Variants in PTPRN2 observed in about 807,000 individuals in gnomAD.
The protein encoded by PTPRN2 is receptor-type tyrosine-protein phosphatase N2.
In PTPRN2, 74 loss-of-function variants were observed where a neutral mutation model predicts 118.8. That is an observed-to-expected ratio of 0.62 (90% CI 0.52 to 0.76). The LOEUF is 0.76. Among genes scored for constraint, PTPRN2 ranks in the 30% least tolerant of loss-of-function variants. The pLI is 0.00. For synonymous variants in PTPRN2, 641 were observed against 608.0 expected (o/e 1.05, Z -0.80); for missense variants, 1,481 against 1,394.4 (o/e 1.06, Z -0.99).
rs1250383054 is a variant in PTPRN2, at chr7:157,596,513, C to A, written c.2419-1198G>T. Among the ~76,000 whole-genome samples, 1 of 152,186 alleles carries A rather than the reference C, an allele frequency of 6.6e-6. No homozygotes were observed. Among genetic ancestry groups the A allele is most frequent in the Non-Finnish European group, 1.5e-5 (1 of 68,032 alleles). ...CAGAAAAAAGAACTTGAGGACAAAG[C>A]CTTGAGAGGCAAGCGAGATTTGAGC... On this transcript the variant is annotated intron_variant, in intron 16 of 22. Transcript: ENST00000389418. The surrounding 1 kb of genome is among the most constrained non-coding windows in gnomAD (Gnocchi z 4.2).
chr7:157,756,617 A>G (rs916022749), intron 12 of PTPRN2, among the ~76,000 whole-genome samples: 4 of 152,178 alleles, frequency 2.6e-5, no homozygotes, highest in Admixed American at 2.6e-4. Context: ...GTGGAGTAGC[A>G]GTATCTGCGC....
At chr7:158,213,119 C>G (rs1256784354) in intron 3 of PTPRN2, among the ~76,000 whole-genome samples, 1 of 151,978 alleles carries the variant, frequency 6.6e-6, no homozygotes, top group African/African-American at 2.4e-5. Flanking sequence ...TATCTAATCA[C>G]TAAATATCAT....
At chr7:157,870,638 T>C (rs1810990767) in intron 12 of PTPRN2, among the ~76,000 whole-genome samples, 1 of 152,238 alleles carries the variant, frequency 6.6e-6, no homozygotes, top group South Asian at 2.1e-4. Context: ...ATTTTTGAAA[T>C]CCATGCATAG....
rs1304272518 is a variant in PTPRN2 at position 158,171,064 on chromosome 7, C to CAT, written c.550-3774_550-3773insAT. ...ACATACATATATATACACATATATA[C>CAT]ACATTATATACACATATATATACAC... On this transcript the variant is annotated intron_variant, in intron 5 of 22. Transcript: ENST00000389418. Among the ~76,000 whole-genome samples, 15 of 133,632 alleles carry CAT rather than the reference C, an allele frequency of 1.1e-4. 1 individual carries two copies. The highest frequency in any genetic ancestry group is 4.6e-4 in the African/African-American group (15 of 32,930). The allele number at this position is 133,632 out of a possible 152,430, so 87.7% of individuals were successfully genotyped here.
chr7:158,168,105 C>A (rs951642874), intron 5 of PTPRN2, among the ~76,000 whole-genome samples: 2 of 152,236 alleles, frequency 1.3e-5, no homozygotes, highest in African/African-American at 4.8e-5. Flanking sequence ...AACAATCTCA[C>A]CAGTAATGGA....
rs535002797 is a variant in PTPRN2, at chr7:157,599,013, C to CTTT, written c.2419-3701_2419-3699dup. 4.6e-3 allele frequency among the ~76,000 whole-genome samples: 663 copies of CTTT among 145,648 alleles called. 7 individuals are homozygous for CTTT. The highest frequency in any genetic ancestry group is 0.015 in the African/African-American group (611 of 39,688). ...AATTAACAGTATAATTCTGTTTTTA[C>CTTT]TTTTTTTTTTTTTTGAGATGGAGCC... is the stretch of plus-strand genomic sequence containing the variant. On this transcript the variant is annotated intron_variant, in intron 16 of 22. Coordinates refer to ENST00000389418, the MANE Select transcript of PTPRN2 (RefSeq NM_002847.5).
At chr7:158,370,973 T>C (rs1174620622) in intron 2 of PTPRN2, among the ~76,000 whole-genome samples, 1 of 152,022 alleles carries the variant, frequency 6.6e-6, no homozygotes, top group Non-Finnish European at 1.5e-5. Context: ...ACTATCACAA[T>C]GAAAGAGTTT....
intron 6 of PTPRN2, 126 bp from the exon 7 acceptor site, chr7:158,138,641 G>A (rs114663881): frequency 5.0e-5 from 38 of 754,896 alleles, no homozygotes; most frequent in Admixed American, 2.4e-4. Context: ...AGGGCCAGGC[G>A]CAGGCCAGTG....
chr7:157,792,725 A>G (rs1279173205), intron 12 of PTPRN2, among the ~76,000 whole-genome samples: 2 of 152,126 alleles, frequency 1.3e-5, no homozygotes, highest in African/African-American at 2.4e-5. Flanking sequence ...CTCTGCTCCT[A>G]CAGCCCGCAG....
chr7:157,608,837 A>G (rs1428189581), intron 15 of PTPRN2, among the ~76,000 whole-genome samples: 1 of 152,188 alleles, frequency 6.6e-6, no homozygotes, highest in South Asian at 2.1e-4. Flanking sequence ...GAGGCAACAC[A>G]GAGCAATGGC....
intron 11 of PTPRN2, among the ~76,000 whole-genome samples, chr7:157,900,499 G>A (rs6942917): frequency 0.16 from 24,638 of 152,138 alleles, 2,370 homozygotes; most frequent in Admixed American, 0.31. Context: ...CAGACACTTC[G>A]GTGGCCCTTC....
chr7:157,957,025 C>T (rs566706532), intron 11 of PTPRN2, among the ~76,000 whole-genome samples: 15 of 152,204 alleles, frequency 9.9e-5, no homozygotes, highest in Non-Finnish European at 2.2e-4. Context: ...AGGAAAGGTC[C>T]TACCCAACAT....
intron 15 of PTPRN2, among the ~76,000 whole-genome samples, chr7:157,620,160 G>C (rs957066404): frequency 1.3e-5 from 2 of 152,128 alleles, no homozygotes; most frequent in African/African-American, 4.8e-5. Flanking sequence ...TGAAACTCTG[G>C]TCAGGAACAT....
intron 2 of PTPRN2, among the ~76,000 whole-genome samples, chr7:158,328,804 C>CG (rs1460121020): frequency 6.9e-6 from 1 of 144,634 alleles, no homozygotes; most frequent in Non-Finnish European, 1.5e-5. Context: ...CCCCCCCCCC[C>CG]GCCACCCAGG....
intron 2 of PTPRN2, among the ~76,000 whole-genome samples, chr7:158,337,040 C>A (rs1805719865): frequency 1.4e-5 from 1 of 73,030 alleles, no homozygotes; most frequent in African/African-American, 4.0e-5. Context: ...ACAGACATCA[C>A]TCACACCCAC....
intron 18 of PTPRN2, 92 bp downstream of exon 18, chr7:157,577,928 TG>T: frequency 3.5e-6 from 5 of 1,416,542 alleles, no homozygotes; most frequent in Non-Finnish European, 4.7e-6. Context: ...CATGCGGCCC[TG>T]GGGGGCCCTA....
In PTPRN2 at chr7:157,801,901, C is replaced by T. The variant is rs764273915; in HGVS notation, c.1788+96772G>A. On this transcript the variant is annotated intron_variant, in intron 12 of 22. Transcript: ENST00000389418. This position sits in a 1 kb window ranked among gnomAD's most constrained non-coding sequence, Gnocchi z 4.2. ...AGATTTATTCTCTCACAGGAGGCCACGGTCCAGATGGGTTTCACTGAGCTG... is the reference window on the plus strand; with the variant it reads ...AGATTTATTCTCTCACAGGAGGCCATGGTCCAGATGGGTTTCACTGAGCTG... Among the ~76,000 whole-genome samples the T allele has an allele frequency of 9.9e-4, 151 of 152,162 alleles. 4 individuals are homozygous for T. The highest frequency in any genetic ancestry group is 3.1e-4 in the Non-Finnish European group (21 of 68,032).
At chr7:157,688,342 G>A (rs916673753) in intron 12 of PTPRN2, among the ~76,000 whole-genome samples, 2 of 152,236 alleles carry the variant, frequency 1.3e-5, no homozygotes, top group African/African-American at 4.8e-5. Context: ...TTATGATACT[G>A]ATGTCCAAAG....
intron 11 of PTPRN2, among the ~76,000 whole-genome samples, chr7:158,051,539 TA>T (rs1366313983): frequency 6.6e-6 from 1 of 152,186 alleles, no homozygotes; most frequent in Admixed American, 6.5e-5. Context: ...CCTTTTGCAG[TA>T]GCTGTGTCTG....
Sources: gnomAD v4.1 joint callset for allele counts (sites outside exome capture counted in the v4.1 genomes callset) on GRCh38, gnomAD v4.1.1 for gene constraint, Gnocchi (gnomAD v3.1) non-coding constraint, MANE v1.5 for transcripts, NCBI Gene and HGNC (gene_info 2026-07-23, HGNC 2026-07-21) for gene names.